Variants in CCDC7 observed in about 807,000 individuals in gnomAD.
CCDC7 encodes the protein coiled-coil domain-containing protein 7.
A neutral mutation model predicts 196.9 loss-of-function variants in CCDC7; 183 were observed. The observed-to-expected ratio is 0.93, with a 90% CI of 0.82 to 1.05. The LOEUF (loss-of-function observed/expected upper bound fraction) is 1.05, where lower values mean the gene tolerates loss of function less well. Ranked by LOEUF, CCDC7 falls within the 50% of genes least tolerant of loss-of-function variation. CCDC7 has a pLI of 0.00. For synonymous variants in CCDC7, 525 were observed against 484.6 expected (o/e 1.08, Z -1.10); for missense variants, 1,540 against 1,482.2 (o/e 1.04, Z -0.64).
intron 20 of CCDC7, among the ~76,000 whole-genome samples, chr10:32,637,429 G>T (rs189904037): frequency 8.7e-4 from 132 of 152,300 alleles, no homozygotes; most frequent in African/African-American, 3.1e-3. Context: ...AAGGGATCCA[G>T]TTTCAGCTTT....
At chr10:32,598,051 A>C (rs867700008) in intron 18 of CCDC7, among the ~76,000 whole-genome samples, 2 of 152,220 alleles carry the variant, frequency 1.3e-5, no homozygotes, top group South Asian at 2.1e-4. Flanking sequence ...GGGACGTTTA[A>C]GTCTGCAGAA....
chr10:32,685,772 G>T (rs10508777), intron 21 of CCDC7, among the ~76,000 whole-genome samples, 198 bp from the exon 23 acceptor site: 16,043 of 152,128 alleles, frequency 0.11, 1,043 homozygotes, highest in South Asian at 0.25. Context: ...TGTTTATAAA[G>T]TGAGAAAGCA....
intron 20 of CCDC7, among the ~76,000 whole-genome samples, chr10:32,655,786 AG>A (rs1385172241): frequency 6.6e-6 from 1 of 152,170 alleles, no homozygotes; most frequent in Non-Finnish European, 1.5e-5. Context: ...ATCTCAAGTG[AG>A]CCACCTACCT....
At chr10:32,573,685 A>T (rs1249350389) in intron 16 of CCDC7, among the ~76,000 whole-genome samples, 2 of 152,236 alleles carry the variant, frequency 1.3e-5, no homozygotes, top group African/African-American at 2.4e-5. Context: ...AGATTAAAAA[A>T]ATCATAGAAT....
chr10:32,804,026 T>G (rs1368646388), intron 29 of CCDC7, among the ~76,000 whole-genome samples: 2 of 152,158 alleles, frequency 1.3e-5, no homozygotes, highest in Non-Finnish European at 2.9e-5. Context: ...TTTCAGATAT[T>G]TTAACATTTA....
At chr10:32,567,687 G>A in exon 15 of CCDC7, 1 of 1,611,026 alleles carries the variant, frequency 6.2e-7, no homozygotes, top group Non-Finnish European at 8.5e-7. Context: ...AAAAAGCTAA[G>A]CATCAACTTA....
At chr10:32,639,697 G>A (rs570497864) in intron 20 of CCDC7, among the ~76,000 whole-genome samples, 3 of 149,210 alleles carry the variant, frequency 2.0e-5, no homozygotes, top group Non-Finnish European at 3.0e-5. Context: ...GCACGATCTC[G>A]GCTCACTTCA....
At chr10:32,805,603 T>A (rs1459562507) in intron 30 of CCDC7, among the ~76,000 whole-genome samples, 1 of 152,218 alleles carries the variant, frequency 6.6e-6, no homozygotes, top group Non-Finnish European at 1.5e-5. Context: ...CTGCCTTTGG[T>A]ACAAGAGTAG....
chr10:32,881,491 GTGCATGAAGCC>G (rs2094789642), downstream of CCDC7, among the ~76,000 whole-genome samples: 1 of 152,050 alleles, frequency 6.6e-6, no homozygotes, highest in African/African-American at 2.4e-5. Flanking sequence ...TGAGATCTTG[GTGCATGAAGCC>G]TGAAACTTTC....
chr10:32,527,858 TTTTTA>T (rs1233374679), intron 11 of CCDC7, among the ~76,000 whole-genome samples: 1 of 152,096 alleles, frequency 6.6e-6, no homozygotes, highest in Non-Finnish European at 1.5e-5. Flanking sequence ...GGATTTCTAA[TTTTTA>T]TTTTTATTTT....
intron 18 of CCDC7, among the ~76,000 whole-genome samples, chr10:32,617,456 C>T (rs549303096): frequency 5.4e-4 from 82 of 151,760 alleles, no homozygotes; most frequent in African/African-American, 2.0e-3. Flanking sequence ...CCCGCTTTTG[C>T]TGTATCTAAC....
At chr10:32,710,361 T>C (rs534339247) in intron 24 of CCDC7, among the ~76,000 whole-genome samples, 2 of 152,354 alleles carry the variant, frequency 1.3e-5, no homozygotes, top group African/African-American at 2.4e-5. Context: ...AGAGCTGTTA[T>C]TGATGCAAAT....
At chr10:32,740,857 A>G (rs1487092107) in intron 28 of CCDC7, among the ~76,000 whole-genome samples, 1 of 151,620 alleles carries the variant, frequency 6.6e-6, no homozygotes. Flanking sequence ...AACCTTTTTT[A>G]TCATTTCTTT....
Position 32,548,337 on chromosome 10 carries a change from A to G in CCDC7, c.1134+4036A>G, listed in dbSNP as rs571385138. Among the ~76,000 whole-genome samples, 13 of 152,290 alleles carry G rather than the reference A, an allele frequency of 8.5e-5. No homozygotes were observed. The South Asian group carries it at 2.3e-3, about 27-fold the overall frequency. On this transcript the variant is annotated intron_variant, in intron 13 of 41. Coordinates refer to ENST00000639629, the Ensembl canonical transcript of CCDC7. The stretch of plus-strand genomic sequence containing the variant: ...CAGTAGTTTGGCAGGAAGGGCAGCT[A>G]CAGAACAGATAATTCAGGTCAGAGC...
At chr10:32,641,390 A>G (rs1354458668) in intron 20 of CCDC7, among the ~76,000 whole-genome samples, 2 of 151,892 alleles carry the variant, frequency 1.3e-5, no homozygotes, top group Non-Finnish European at 2.9e-5. Context: ...TTCTCACTTC[A>G]TTTCATTCAT....
intron 20 of CCDC7, among the ~76,000 whole-genome samples, chr10:32,647,226 GC>G (rs2067916212): frequency 6.6e-6 from 1 of 152,176 alleles, no homozygotes; most frequent in African/African-American, 2.4e-5. Flanking sequence ...CCTTTTATAG[GC>G]TGGGAACAGT....
chr10:32,583,605 A>C (rs1435359358), intron 17 of CCDC7, among the ~76,000 whole-genome samples: 1 of 152,104 alleles, frequency 6.6e-6, no homozygotes, highest in Non-Finnish European at 1.5e-5. Context: ...AAATTTTCAT[A>C]GTTTTCAGCT....
At chr10:32,530,529 A>G (rs934261063) in intron 11 of CCDC7, among the ~76,000 whole-genome samples, 4 of 152,272 alleles carry the variant, frequency 2.6e-5, no homozygotes, top group Admixed American at 1.3e-4. Flanking sequence ...TATGTTTTAA[A>G]TGGGATGGTT....
At chr10:32,474,210 CTTTTTTTTTTTTTTTTTTT>C (rs71027095) in intron 8 of CCDC7, among the ~76,000 whole-genome samples, 187 bp downstream of exon 9, 6 of 58,956 alleles carry the variant, frequency 1.0e-4, no homozygotes, top group African/African-American at 3.7e-4. Flanking sequence ...AAACTAGATT[CTTTTTTTTTTTTTTTTTTT>C]TTTTTTTTTT....
Sources: allele counts gnomAD v4.1 joint callset (sites outside exome capture counted in the v4.1 genomes callset), GRCh38; gene constraint gnomAD v4.1.1; transcripts MANE v1.5; gene names NCBI Gene and HGNC (gene_info 2026-07-23, HGNC 2026-07-21).